The following ASPSCR1 variants were observed in gnomAD, a reference collection of about 807,000 sequenced individuals.
The protein encoded by ASPSCR1 is ASPSCR1 tether for SLC2A4, UBX domain containing, also known as tether containing UBX domain for GLUT4.
In ASPSCR1, 55 loss-of-function variants were observed where a neutral mutation model predicts 68.9. The observed-to-expected ratio is 0.80, with a 90% CI of 0.64 to 1.00. The LOEUF (loss-of-function observed/expected upper bound fraction) is 1.00. ASPSCR1 is among the 50% of genes least tolerant of loss of function. ASPSCR1 has a pLI of 0.00. For synonymous variants in ASPSCR1, 352 were observed against 332.6 expected (o/e 1.06, Z -0.63); for missense variants, 765 against 762.2 (o/e 1.00, Z -0.04).
rs548110132 is a variant in ASPSCR1, at chr17:81,979,198, G to A, written c.117G>A (p.Thr39=). The A allele has an allele frequency of 6.2e-7, 1 of 1,614,108 alleles. No homozygotes were observed. Among genetic ancestry groups the A allele is most frequent in the South Asian group, 1.1e-5 (1 of 91,082 alleles). The part of the protein sequence containing the change: ...STVLLQVLED[T]CRRQDFNPCE... ...CTCACCCCCAGGTTCTGGAGGACAC[G>A]TGCCGGCGGCAGGACTTCAACCCCT... Residue 39 remains threonine (T), a synonymous_variant, in exon 2 of 16, where the codon ACG becomes ACA. Coordinates refer to ENST00000306739, the MANE Select transcript of ASPSCR1 (RefSeq NM_024083.4).
Position 81,983,439 on chromosome 17 carries a change from G to A in ASPSCR1, c.159-115G>A. 1 of 838,752 alleles carries A rather than the reference G, an allele frequency of 1.2e-6. No homozygotes were observed. The highest frequency in any genetic ancestry group is 1.9e-6 in the Non-Finnish European group (1 of 526,594). The allele number at this position is 838,752 out of a possible 1,614,324, so 52.0% of individuals were successfully genotyped here. A position where few individuals can be genotyped will look rare whatever the true frequency, so the allele number is the denominator to read the frequency against. ...CTGTTGGGGAGCTGCCACAGGACGT[G>A]GATGGCGGGGCGTGGATGGCGGGGC... On this transcript the variant is annotated intron_variant, in intron 2 of 15. Transcript: ENST00000306739. This position sits in a 1 kb window ranked among gnomAD's most constrained non-coding sequence, Gnocchi z 4.4.
intron 4 of ASPSCR1, among the ~76,000 whole-genome samples, chr17:81,989,803 G>A (rs1187085376): frequency 6.6e-6 from 1 of 152,184 alleles, no homozygotes; most frequent in Non-Finnish European, 1.5e-5. Context: ...GGCCATGGAG[G>A]TGACTCACAT....
In ASPSCR1 at chr17:81,977,973, C is replaced by T. The variant is rs2041663662; in HGVS notation, c.102+225C>T. The T allele has an allele frequency of 1.0e-5, 3 of 297,368 alleles. No homozygotes were observed. The highest frequency in any genetic ancestry group is 1.8e-5 in the Non-Finnish European group (3 of 162,916). 18.4% of individuals were successfully genotyped at this position (297,368 alleles called of 1,614,324 possible). A position where few individuals can be genotyped will look rare whatever the true frequency, so the allele number is the denominator to read the frequency against. On this transcript the variant is annotated intron_variant, in intron 1 of 15. Coordinates refer to ENST00000306739, the MANE Select transcript of ASPSCR1 (RefSeq NM_024083.4). This position sits in a 1 kb window ranked among gnomAD's most constrained non-coding sequence, Gnocchi z 5.0. ...GGGGGCGGGGCGGTGGCGAGCCTTCCCAGGGGTGAGGTAGAACGGCGCCGC... is the reference window on the plus strand; with the variant it reads ...GGGGGCGGGGCGGTGGCGAGCCTTCTCAGGGGTGAGGTAGAACGGCGCCGC...
At chr17:81,997,564 T>G (rs2042394189) in intron 7 of ASPSCR1, among the ~76,000 whole-genome samples, 1 of 148,682 alleles carries the variant, frequency 6.7e-6, no homozygotes, top group Admixed American at 6.8e-5. Context: ...CTCGGCTCAC[T>G]GCAGCCTCTG....
At chr17:82,004,418 G>A (rs1207466323) in intron 7 of ASPSCR1, 2 of 152,326 alleles carry the variant, frequency 1.3e-5, no homozygotes, top group East Asian at 1.9e-4. Context: ...GCCGGGACCT[G>A]GGGGTCCACC....
Position 81,996,710 on chromosome 17 carries a change from C to A in ASPSCR1, c.797C>A (p.Ser266Ter), listed in dbSNP as rs1403128288. The A allele has an allele frequency of 1.9e-6, 3 of 1,613,620 alleles. No homozygotes were observed. The highest frequency in any genetic ancestry group is 1.1e-5 in the South Asian group (1 of 91,086). The change falls in exon 7 of 16, where the codon TCA becomes TAA. Residue 266 changes from serine to a stop codon, truncating the protein, a stop_gained. Transcript: ENST00000306739. LOFTEE classifies it high-confidence loss of function. Reference protein sequence around the residue: ...PGPTRPLTSSSAKLPKSLSSP... With the variant: ...PGPTRPLTSS Reference sequence around the variant, plus strand: ...CCCACGAGGCCTCTGACATCATCTTCAGCTAAGTTGCCGAAGTCCCTCTCC... The same window carrying A: ...CCCACGAGGCCTCTGACATCATCTTAAGCTAAGTTGCCGAAGTCCCTCTCC...
intron 10 of ASPSCR1, among the ~76,000 whole-genome samples, chr17:82,011,282 A>C (rs2042928942): frequency 1.2e-5 from 1 of 85,664 alleles, no homozygotes; most frequent in African/African-American, 4.6e-5. Context: ...GGGAAAGGGA[A>C]GCGCTTAGGC....
intron 4 of ASPSCR1, among the ~76,000 whole-genome samples, chr17:81,994,147 G>C (rs1014636634): frequency 1.3e-5 from 2 of 152,250 alleles, no homozygotes; most frequent in African/African-American, 4.8e-5. Context: ...TGCACATCAG[G>C]CATGTGTGGG....
intron 4 of ASPSCR1, among the ~76,000 whole-genome samples, chr17:81,991,736 G>A (rs1273958037): frequency 6.6e-6 from 1 of 152,244 alleles, no homozygotes; most frequent in Non-Finnish European, 1.5e-5. Flanking sequence ...GATGCCCTCT[G>A]CGGGCCTCCC....
At chr17:82,015,784 C>T (rs1051921567) in intron 12 of ASPSCR1, 17 of 216,834 alleles carry the variant, frequency 7.8e-5, no homozygotes, top group Admixed American at 2.1e-4. Flanking sequence ...TGCCCCCTTC[C>T]TGGCTCCCCA....
At chr17:82,001,095 G>A (rs1408342095) in intron 7 of ASPSCR1, among the ~76,000 whole-genome samples, 1 of 152,218 alleles carries the variant, frequency 6.6e-6, no homozygotes, top group African/African-American at 2.4e-5. Flanking sequence ...GCTGACAGCC[G>A]GTGTGGGACT....
rs1447238504 is a variant in ASPSCR1, at chr17:81,986,073, A to C, written c.374+466A>C. Among the ~76,000 whole-genome samples, 1 of 151,924 alleles carries C rather than the reference A, an allele frequency of 6.6e-6. No homozygotes were observed. Among genetic ancestry groups the C allele is most frequent in the African/African-American group, 2.4e-5 (1 of 41,332 alleles). On this transcript the variant is annotated intron_variant, in intron 4 of 15. Transcript: ENST00000306739. This position sits in a 1 kb window ranked among gnomAD's most constrained non-coding sequence, Gnocchi z 5.2. Reference sequence around the variant, plus strand: ...CCCATCTCAGCCTCCCAAAGCGTTGAGATTACAGGTGTGAGCTCCTGTGCC... The same window carrying C: ...CCCATCTCAGCCTCCCAAAGCGTTGCGATTACAGGTGTGAGCTCCTGTGCC...
chr17:82,011,481 T>G (rs2042940034), intron 10 of ASPSCR1, 62 bp from the exon 11 acceptor site: 30 of 1,491,928 alleles, frequency 2.0e-5, no homozygotes, highest in Non-Finnish European at 2.6e-5. Flanking sequence ...GCCCAGGTGC[T>G]GGGGCAGCCC....
chr17:82,008,675 G>A (rs866880304), intron 7 of ASPSCR1: 60 of 207,616 alleles, frequency 2.9e-4, no homozygotes, highest in Middle Eastern at 3.5e-3. Context: ...GGTTTTTGCC[G>A]ACGCTCTAAT....
At chr17:81,989,680 A>G (rs753685368) in intron 4 of ASPSCR1, among the ~76,000 whole-genome samples, 1 of 152,158 alleles carries the variant, frequency 6.6e-6, no homozygotes, top group Non-Finnish European at 1.5e-5. Context: ...GGACACTGCC[A>G]CGTGTTTGAA....
chr17:81,991,036 G>A (rs2144027572), intron 4 of ASPSCR1, among the ~76,000 whole-genome samples: 1 of 152,254 alleles, frequency 6.6e-6, no homozygotes, highest in African/African-American at 2.4e-5. Context: ...AGAGAACCGG[G>A]GACTGTTGTG....
intron 9 of ASPSCR1, 70 bp from the exon 10 acceptor site, chr17:82,010,732 G>A: frequency 1.3e-6 from 2 of 1,515,230 alleles, no homozygotes; most frequent in South Asian, 1.1e-5. Flanking sequence ...TGGGCCGAGT[G>A]GGGAGGCCAC....
chr17:81,979,822 C>T (rs1363988356), intron 2 of ASPSCR1, among the ~76,000 whole-genome samples: 4 of 152,176 alleles, frequency 2.6e-5, no homozygotes, highest in African/African-American at 4.8e-5. Context: ...ATTACACGTA[C>T]GCTTCTGTGT....
intron 12 of ASPSCR1, chr17:82,015,173 T>C (rs1598438336): frequency 6.3e-7 from 1 of 1,598,224 alleles, no homozygotes; most frequent in South Asian, 1.1e-5. Flanking sequence ...TGGTAGGAGA[T>C]GGAGGCGACG....
Sources: allele counts gnomAD v4.1 joint callset (sites outside exome capture counted in the v4.1 genomes callset), GRCh38; gene constraint gnomAD v4.1.1; non-coding constraint Gnocchi (gnomAD v3.1); transcripts MANE v1.5; gene names NCBI Gene and HGNC (gene_info 2026-07-23, HGNC 2026-07-21).